Variants in AHCYL2 observed in about 807,000 individuals in gnomAD.
The protein encoded by AHCYL2 is adenosylhomocysteinase like 2, also known as S-adenosylhomocysteine hydrolase-like protein 2.
Under a neutral mutation model 81.4 loss-of-function variants are expected in AHCYL2, and 28 were observed. The ratio of observed to expected loss-of-function variants is 0.34; its 90% CI spans 0.25 to 0.47. AHCYL2 has a LOEUF of 0.47. Among genes scored for constraint, AHCYL2 ranks in the 20% least tolerant of loss-of-function variants. The pLI is 1.00. For missense variants in AHCYL2, 551 were observed against 785.1 expected, an observed-to-expected ratio of 0.70 and a Z score of 3.56; for synonymous variants, 272 against 290.2, an observed-to-expected ratio of 0.94 and a Z score of 0.64.
rs1216855836 is a variant in AHCYL2, at chr7:129,225,423, C to G, written c.347C>G (p.Pro116Arg). Residue 116 changes from proline (P) to arginine (R), a missense_variant, in exon 1 of 17, where the codon CCG (proline) becomes CGG (arginine). Pro to Arg is a moderately radical substitution (Grantham distance 103). Coordinates refer to ENST00000325006, the MANE Select transcript of AHCYL2 (RefSeq NM_015328.4). Reference protein sequence around the residue: ...VSPDGTVTEAPRTVKKQIQFA... With the variant: ...VSPDGTVTEARRTVKKQIQFA... ...CCCGACGGCACCGTCACCGAGGCGCCGCGCACAGTCAAGAAGGTACTGGGG... is the reference window on the plus strand; with the variant it reads ...CCCGACGGCACCGTCACCGAGGCGCGGCGCACAGTCAAGAAGGTACTGGGG... 7 of 1,515,018 alleles carry G rather than the reference C, an allele frequency of 4.6e-6. No homozygotes were observed. Among genetic ancestry groups the G allele is most frequent in the Non-Finnish European group, 5.3e-6 (6 of 1,137,230 alleles). The allele number at this position is 1,515,018 out of a possible 1,614,324, so 93.8% of individuals were successfully genotyped here.
At chr7:129,416,608 G>C (rs1006046892) in intron 12 of AHCYL2, among the ~76,000 whole-genome samples, 1 of 151,970 alleles carries the variant, frequency 6.6e-6, no homozygotes, top group Non-Finnish European at 1.5e-5. Flanking sequence ...GACCAGCCTG[G>C]CTAACATGGT....
intron 1 of AHCYL2, among the ~76,000 whole-genome samples, chr7:129,366,668 C>G (rs1019825709): frequency 6.6e-6 from 1 of 150,628 alleles, no homozygotes; most frequent in African/African-American, 2.4e-5. Flanking sequence ...CCCAGCTACT[C>G]GGGAGGCTGA....
At chr7:129,273,707 C>A (rs1237392124) in intron 1 of AHCYL2, among the ~76,000 whole-genome samples, 1 of 152,146 alleles carries the variant, frequency 6.6e-6, no homozygotes, top group Non-Finnish European at 1.5e-5. Flanking sequence ...TAAGGGAATA[C>A]TTCTTAGGCT....
intron 1 of AHCYL2, among the ~76,000 whole-genome samples, chr7:129,343,109 T>G (rs1037671283): frequency 1.3e-5 from 2 of 152,178 alleles, no homozygotes; most frequent in Admixed American, 1.3e-4. Context: ...TTGCTTAAAA[T>G]AGCAAAACAT....
chr7:129,345,140 A>G (rs891836328), intron 1 of AHCYL2, among the ~76,000 whole-genome samples: 3 of 152,276 alleles, frequency 2.0e-5, no homozygotes, highest in African/African-American at 7.2e-5. Flanking sequence ...GGGCCACAGA[A>G]AAAAGAAAAG....
At chr7:129,392,810 T>A (rs1253662015) in intron 4 of AHCYL2, among the ~76,000 whole-genome samples, 1 of 152,254 alleles carries the variant, frequency 6.6e-6, no homozygotes, top group Non-Finnish European at 1.5e-5. Context: ...CATTTAGTTG[T>A]CATGTCTTTT....
intron 1 of AHCYL2, among the ~76,000 whole-genome samples, chr7:129,234,165 C>T (rs998536277): frequency 6.6e-6 from 1 of 152,178 alleles, no homozygotes; most frequent in Admixed American, 6.6e-5. Context: ...AACCTCCCTT[C>T]TCAGCCTCCC....
intron 1 of AHCYL2, among the ~76,000 whole-genome samples, chr7:129,236,629 G>A (rs553571234): frequency 6.6e-5 from 10 of 152,264 alleles, no homozygotes; most frequent in East Asian, 1.9e-4. Flanking sequence ...GTGCTTGGCC[G>A]TGTTTTAAAC....
At chr7:129,375,288 A>C (rs1794625249) in intron 1 of AHCYL2, among the ~76,000 whole-genome samples, 1 of 152,156 alleles carries the variant, frequency 6.6e-6, no homozygotes, top group Non-Finnish European at 1.5e-5. Flanking sequence ...ATCCAAGGAC[A>C]CAGAGTGTAG....
intron 11 of AHCYL2, among the ~76,000 whole-genome samples, chr7:129,410,677 G>A (rs556601065): frequency 6.6e-6 from 1 of 152,336 alleles, no homozygotes; most frequent in East Asian, 1.9e-4. Context: ...GAAAGTAGAC[G>A]AGGTTATTCT....
intron 1 of AHCYL2, among the ~76,000 whole-genome samples, chr7:129,247,812 G>T (rs1405750445): frequency 6.6e-6 from 1 of 152,104 alleles, no homozygotes; most frequent in Non-Finnish European, 1.5e-5. Flanking sequence ...ATGTTGCCCA[G>T]GCTGGTCTTG....
chr7:129,349,360 A>G (rs1229276799), intron 1 of AHCYL2, among the ~76,000 whole-genome samples: 2 of 149,758 alleles, frequency 1.3e-5, no homozygotes, highest in African/African-American at 4.9e-5. Context: ...CAGGCCGGGC[A>G]TGGTGGCTTA....
At chr7:129,410,621 A>G (rs1000974602) in intron 11 of AHCYL2, among the ~76,000 whole-genome samples, 2 of 152,352 alleles carry the variant, frequency 1.3e-5, no homozygotes, top group African/African-American at 2.4e-5. Context: ...GTTTCTCTCT[A>G]GTATGTAATT....
chr7:129,287,288 C>G (rs1325037462), intron 1 of AHCYL2, among the ~76,000 whole-genome samples: 3 of 152,218 alleles, frequency 2.0e-5, no homozygotes, highest in Non-Finnish European at 4.4e-5. Context: ...CAAGTAGTTT[C>G]TGGACCATAT....
chr7:129,336,411 C>T (rs1449255292), intron 1 of AHCYL2, among the ~76,000 whole-genome samples: 1 of 152,014 alleles, frequency 6.6e-6, no homozygotes, highest in African/African-American at 2.4e-5. Flanking sequence ...CACAACCAAG[C>T]AAAAGAAATG....
chr7:129,413,363 G>A (rs552433302), intron 11 of AHCYL2, among the ~76,000 whole-genome samples: 4 of 151,538 alleles, frequency 2.6e-5, no homozygotes, highest in East Asian at 3.9e-4. Context: ...GGATGGTTTC[G>A]ATCTCCTGAC....
At chr7:129,243,116 G>A (rs987666158) in intron 1 of AHCYL2, among the ~76,000 whole-genome samples, 4 of 150,348 alleles carry the variant, frequency 2.7e-5, no homozygotes, top group Non-Finnish European at 5.9e-5. Flanking sequence ...TGAAGCCCGA[G>A]TTCAAGCAAT....
At chr7:129,317,054 G>A (rs755615908) in intron 1 of AHCYL2, among the ~76,000 whole-genome samples, 17 of 152,294 alleles carry the variant, frequency 1.1e-4, no homozygotes, top group Non-Finnish European at 1.8e-4. Flanking sequence ...TTCAAGATAG[G>A]TCAAGGGAAA....
At position 129,375,844 on chromosome 7, in the gene AHCYL2, G is replaced by C. The variant is rs773796747; in HGVS notation, c.364-3794G>C. ...TCACAAGGGTCCCTGGACCACAGAG[G>C]TGGCAGTGGGGCTGGTAATGTCACT... On this transcript the variant is annotated intron_variant, in intron 1 of 16. Transcript: ENST00000325006. 4.6e-6 allele frequency: 7 copies of C among 1,535,664 alleles called. No individual in the cohort carries two copies. In the African/African-American group the frequency reaches 9.6e-5, roughly 21 times the overall value.
Sources: gnomAD v4.1 joint callset for allele counts (sites outside exome capture counted in the v4.1 genomes callset) on GRCh38, gnomAD v4.1.1 for gene constraint, MANE v1.5 for transcripts, NCBI Gene and HGNC (gene_info 2026-07-23, HGNC 2026-07-21) for gene names.